The following PARD3 variants were observed in gnomAD, a reference collection of about 807,000 sequenced individuals.
PARD3 encodes partitioning defective 3 homolog.
Under a neutral mutation model 155.4 loss-of-function variants are expected in PARD3, and 75 were observed. The observed-to-expected ratio is 0.48, with a 90% CI of 0.40 to 0.58. PARD3 has a LOEUF of 0.58. PARD3 is among the 20% of genes least tolerant of loss of function. The probability of loss-of-function intolerance (pLI) is 0.00; values close to 1 mark genes in which losing one functional copy is unlikely to be tolerated. For missense variants in PARD3, 1,642 were observed against 1,721.7 expected, an observed-to-expected ratio of 0.95 and a Z score of 0.82; for synonymous variants, 576 against 610.5, an observed-to-expected ratio of 0.94 and a Z score of 0.83.
intron 22 of PARD3, among the ~76,000 whole-genome samples, chr10:34,266,128 C>T (rs561081322): frequency 6.6e-6 from 1 of 152,138 alleles, no homozygotes; most frequent in Admixed American, 6.5e-5. Context: ...TGGTTGTCAA[C>T]AGAAGGAGTT....
intron 2 of PARD3, among the ~76,000 whole-genome samples, chr10:34,534,308 AT>A (rs1329977060): frequency 6.6e-6 from 1 of 151,990 alleles, no homozygotes; most frequent in Non-Finnish European, 1.5e-5. Context: ...TGCTGTGGAA[AT>A]GCAGACAGGA....
intron 2 of PARD3, among the ~76,000 whole-genome samples, chr10:34,622,990 T>C (rs2091779132): frequency 1.3e-5 from 2 of 152,046 alleles, no homozygotes; most frequent in Non-Finnish European, 2.9e-5. Context: ...GGTGTTTTCC[T>C]CTCCTGGCCC....
At chr10:34,359,995 A>G (rs1839287935) in intron 13 of PARD3, 76 bp downstream of exon 13, 1 of 1,115,420 alleles carries the variant, frequency 9.0e-7, no homozygotes. Context: ...TTAACTGTAT[A>G]TGTTTCCAAA....
At chr10:34,152,128 C>T (rs1588947198) in intron 22 of PARD3, among the ~76,000 whole-genome samples, 1 of 152,060 alleles carries the variant, frequency 6.6e-6, no homozygotes, top group Admixed American at 6.6e-5. Flanking sequence ...ACCCCAGAGA[C>T]CCAATGTGCT....
chr10:34,668,809 C>G (rs542670053), intron 2 of PARD3, among the ~76,000 whole-genome samples: 21 of 151,906 alleles, frequency 1.4e-4, no homozygotes, highest in Non-Finnish European at 2.4e-4. Context: ...CCCGTCTCTA[C>G]TAAAAATTTT....
intron 5 of PARD3, among the ~76,000 whole-genome samples, chr10:34,418,224 G>T (rs981369537): frequency 6.6e-6 from 1 of 152,102 alleles, no homozygotes; most frequent in Admixed American, 6.6e-5. Context: ...CGCCCGACTG[G>T]AGTGCAGTGG....
chr10:34,113,506 CACACACACACACACACATAG>C (rs1946499822), intron 24 of PARD3, among the ~76,000 whole-genome samples: 1 of 150,586 alleles, frequency 6.6e-6, no homozygotes, highest in African/African-American at 2.5e-5. Flanking sequence ...AACACACACA[CACACACACACACACACATAG>C]ACACACACAC....
At chr10:34,587,403 C>T (rs921798023) in intron 2 of PARD3, among the ~76,000 whole-genome samples, 26 of 152,132 alleles carry the variant, frequency 1.7e-4, no homozygotes, top group African/African-American at 6.3e-4. Context: ...CAAAGCCTGA[C>T]CCATGAGTTT....
chr10:34,355,748 G>GA (rs1009788293), intron 14 of PARD3, among the ~76,000 whole-genome samples: 5 of 151,782 alleles, frequency 3.3e-5, no homozygotes, highest in African/African-American at 1.2e-4. Flanking sequence ...CCAACATGGT[G>GA]AAACCCCATC....
intron 4 of PARD3, among the ~76,000 whole-genome samples, chr10:34,468,802 G>C (rs1427709062): frequency 6.6e-6 from 1 of 152,102 alleles, no homozygotes; most frequent in East Asian, 1.9e-4. Context: ...GGAGTGTGCT[G>C]AAATGCAAAC....
At chr10:34,702,791 G>A (rs866721398) in intron 1 of PARD3, among the ~76,000 whole-genome samples, 10 of 152,170 alleles carry the variant, frequency 6.6e-5, no homozygotes, top group East Asian at 1.9e-4. Context: ...GTGTACGCCC[G>A]TGCCTGAACT....
chr10:34,155,450 AG>A (rs1219554178), intron 22 of PARD3, among the ~76,000 whole-genome samples: 1 of 152,210 alleles, frequency 6.6e-6, no homozygotes, highest in African/African-American at 2.4e-5. Context: ...GATGGGGCTT[AG>A]TTAGCATATT....
intron 4 of PARD3, among the ~76,000 whole-genome samples, chr10:34,457,178 A>G (rs2077382419): frequency 6.6e-6 from 1 of 152,208 alleles, no homozygotes; most frequent in South Asian, 2.1e-4. Context: ...GGCTATGAAC[A>G]TAAAGGGATC....
intron 2 of PARD3, among the ~76,000 whole-genome samples, chr10:34,585,088 T>C (rs1340377126): frequency 6.6e-6 from 1 of 152,172 alleles, no homozygotes; most frequent in African/African-American, 2.4e-5. Context: ...TTCTTCTAGA[T>C]CATTAAAAGA....
intron 2 of PARD3, among the ~76,000 whole-genome samples, chr10:34,681,748 ATATATATATATATATATATATTTTTTT>A (rs1209663030): frequency 5.7e-4 from 9 of 15,884 alleles, no homozygotes; most frequent in South Asian, 2.0e-3. Flanking sequence ...ATATATATAT[ATATATATATATATATATATATTTTTTT>A]TTTTTTTTTT....
chr10:34,583,478 G>T (rs2087694785), intron 2 of PARD3, among the ~76,000 whole-genome samples: 1 of 152,016 alleles, frequency 6.6e-6, no homozygotes, highest in African/African-American at 2.4e-5. Context: ...GGAAAAATAA[G>T]TGAGACTGCT....
intron 22 of PARD3, among the ~76,000 whole-genome samples, chr10:34,194,630 T>TC (rs1950860945): frequency 1.4e-5 from 2 of 138,628 alleles, no homozygotes; most frequent in East Asian, 3.9e-4. Context: ...TTTTTTTTTT[T>TC]TTCTTAAATT....
At chr10:34,691,444 T>A in intron 2 of PARD3, among the ~76,000 whole-genome samples, 1 of 152,072 alleles carries the variant, frequency 6.6e-6, no homozygotes, top group Admixed American at 6.5e-5. Context: ...AAACCAGATA[T>A]GATATAAACA....
intron 4 of PARD3, among the ~76,000 whole-genome samples, chr10:34,466,022 CAT>C (rs922227036): frequency 2.6e-5 from 4 of 152,138 alleles, no homozygotes; most frequent in Non-Finnish European, 5.9e-5. Context: ...ATATTAACCA[CAT>C]GTTAACTCTC....
Sources: gnomAD v4.1 joint callset for allele counts (sites outside exome capture counted in the v4.1 genomes callset) on GRCh38, gnomAD v4.1.1 for gene constraint, MANE v1.5 for transcripts, NCBI Gene and HGNC (gene_info 2026-07-23, HGNC 2026-07-21) for gene names.